The following GALNT9 variants were observed in gnomAD, a reference collection of about 807,000 sequenced individuals.
GALNT9 encodes the protein GalNAc transferase 9.
In GALNT9, 47 loss-of-function variants were observed where a neutral mutation model predicts 63.1. That is an observed-to-expected ratio of 0.75 (90% confidence interval 0.59 to 0.95). The LOEUF (loss-of-function observed/expected upper bound fraction) is 0.95, where lower values mean the gene tolerates loss of function less well. Ranked by LOEUF, GALNT9 falls within the 40% of genes least tolerant of loss-of-function variation. GALNT9 has a pLI of 0.00. For missense variants in GALNT9, 829 were observed against 874.8 expected (o/e 0.95, Z 0.66); for synonymous variants, 396 against 365.7 (o/e 1.08, Z -0.94).
At chr12:132,306,542 T>C (rs1566020478) in intron 1 of GALNT9, among the ~76,000 whole-genome samples, 1 of 152,166 alleles carries the variant, frequency 6.6e-6, no homozygotes, top group East Asian at 1.9e-4. Flanking sequence ...TCGGACATAG[T>C]GGCTTGGAGG....
At chr12:132,303,622 C>G (rs1406148072) in intron 1 of GALNT9, among the ~76,000 whole-genome samples, 1 of 68,540 alleles carries the variant, frequency 1.5e-5, no homozygotes, top group Non-Finnish European at 2.6e-5. Context: ...CACCCTCACC[C>G]GGGCACAGAA....
chr12:132,202,510 T>G (rs1438778613), intron 7 of GALNT9, among the ~76,000 whole-genome samples: 1 of 151,944 alleles, frequency 6.6e-6, no homozygotes, highest in East Asian at 1.9e-4. Context: ...GGTAAGCCAA[T>G]TTAGGGGCTG....
chr12:132,329,082 A>G lies in GALNT9; in HGVS notation c.122T>C (p.Val41Ala), dbSNP rs1307929599. ...QGRSQELVRI[V>A]SGDRRVRSRH... ...GCTGCGCACCCGGCGGTCGCCGCTC[A>G]CGATGCGCACGAGCTCCTGGGAGCG... is the stretch of plus-strand genomic sequence containing the variant. The change falls in exon 1 of 11, where the codon GTG becomes GCG. Residue 41 changes from valine (V) to alanine (A), a missense_variant. By Grantham distance (64) the Val-to-Ala change is moderately conservative. Transcript: ENST00000328957. 1.3e-6 allele frequency: 2 copies of G among 1,548,170 alleles called. No individual in the cohort carries two copies. Among genetic ancestry groups the G allele is most frequent in the East Asian group, 4.9e-5 (2 of 40,898 alleles).
At chr12:132,212,003 G>GT (rs1252341208) in intron 6 of GALNT9, among the ~76,000 whole-genome samples, 1 of 152,236 alleles carries the variant, frequency 6.6e-6, no homozygotes, top group Non-Finnish European at 1.5e-5. Context: ...TGATGCTTGC[G>GT]TCAGTGGACA....
intron 1 of GALNT9, among the ~76,000 whole-genome samples, chr12:132,304,286 C>G (rs1360446475): frequency 2.4e-5 from 2 of 83,862 alleles, no homozygotes; most frequent in African/African-American, 1.1e-4. Context: ...CCCGGGCACA[C>G]CCTCGCCCGG....
At position 132,284,783 on chromosome 12, in the gene GALNT9, C is replaced by T. The variant is rs115428140; in HGVS notation, c.419+1467G>A. On this transcript the variant is annotated intron_variant, in intron 2 of 10. Transcript: ENST00000328957. Reference sequence around the variant, plus strand: ...TCACACCTAGAATCAGTCCCCAGCACGCATTTGTGGGAAGGGTGTGAAGTG... The same window carrying T: ...TCACACCTAGAATCAGTCCCCAGCATGCATTTGTGGGAAGGGTGTGAAGTG... 3.5e-3 allele frequency among the ~76,000 whole-genome samples: 539 copies of T among 152,326 alleles called. 2 individuals carry two copies. The highest frequency in any genetic ancestry group is 0.012 in the African/African-American group (506 of 41,584).
rs74397849 is a variant in GALNT9, at chr12:132,279,394, G to A, written c.419+6856C>T. The A allele has an allele frequency of 0.012, 1,900 of 152,460 alleles. 35 individuals are homozygous for A. The highest frequency in any genetic ancestry group is 0.097 in the South Asian group (470 of 4,832). 9.4% of individuals were successfully genotyped at this position (152,460 alleles called of 1,614,324 possible). ...TGGCTGCAGCTGTCAGACTTGGAGC[G>A]TGAGGACAGAGCTGGGCCGGTTCCT... On this transcript the variant is annotated intron_variant, in intron 2 of 10. Coordinates refer to ENST00000328957, the MANE Select transcript of GALNT9 (RefSeq NM_001122636.2). The surrounding 1 kb of genome is among the most constrained non-coding windows in gnomAD (Gnocchi z 4.1).
intron 6 of GALNT9, among the ~76,000 whole-genome samples, chr12:132,243,521 C>T (rs1181224472): frequency 6.6e-6 from 1 of 150,428 alleles, no homozygotes; most frequent in Non-Finnish European, 1.5e-5. Flanking sequence ...TTCGTAGGGG[C>T]AGCTCTGGTG....
intron 2 of GALNT9, chr12:132,283,061 C>G (rs142858391): frequency 6.6e-6 from 1 of 152,308 alleles, no homozygotes; most frequent in Non-Finnish European, 1.5e-5. Flanking sequence ...CAGGGCTTCA[C>G]CCCCAGCTCG....
chr12:132,204,034 C>T (rs1401815020), intron 6 of GALNT9, among the ~76,000 whole-genome samples: 1 of 151,894 alleles, frequency 6.6e-6, no homozygotes, highest in Non-Finnish European at 1.5e-5. Context: ...TGCAGGGAAC[C>T]CCCCGCCCCA....
At chr12:132,306,199 G>A (rs1036852580) in intron 1 of GALNT9, among the ~76,000 whole-genome samples, 3 of 152,232 alleles carry the variant, frequency 2.0e-5, no homozygotes, top group Middle Eastern at 3.2e-3. Flanking sequence ...TGTCCGCACC[G>A]GAACCGCCTG....
rs74416794 is a variant in GALNT9 at position 132,310,488 on chromosome 12, G to T, written c.238+18478C>A. The stretch of plus-strand genomic sequence containing the variant: ...TGGAGGCTGAGAGCCCTCCGGGAAA[G>T]CAGGCATTTCTGCCGGCTTCCTCTG... On this transcript the variant is annotated intron_variant, in intron 1 of 10. Coordinates refer to ENST00000328957, the MANE Select transcript of GALNT9 (RefSeq NM_001122636.2). This position sits in a 1 kb window ranked among gnomAD's most constrained non-coding sequence, Gnocchi z 4.8. Among the ~76,000 whole-genome samples, 844 of 152,264 alleles carry T rather than the reference G, an allele frequency of 5.5e-3. 6 individuals carry two copies. Among genetic ancestry groups the T allele is most frequent in the African/African-American group, 0.019 (797 of 41,530 alleles).
At chr12:132,255,790 C>A (rs1879084714) in intron 5 of GALNT9, among the ~76,000 whole-genome samples, 1 of 152,246 alleles carries the variant, frequency 6.6e-6, no homozygotes, top group Admixed American at 6.5e-5. Context: ...CGCCTGCACG[C>A]TAAGCATGGA....
intron 1 of GALNT9, among the ~76,000 whole-genome samples, chr12:132,322,571 C>T (rs750261553): frequency 2.0e-5 from 3 of 152,324 alleles, no homozygotes; most frequent in South Asian, 4.1e-4. Flanking sequence ...GGAATGGGGG[C>T]GTCTGCCCAA....
At chr12:132,271,331 GGCTCCCACCCGTCACTCTGCCTCCGCC>G (rs1879858780) in intron 2 of GALNT9, among the ~76,000 whole-genome samples, 2 of 151,942 alleles carry the variant, frequency 1.3e-5, no homozygotes, top group African/African-American at 4.8e-5. Context: ...CGCCCCGCCC[GGCTCCCACCCGTCACTCTGCCTCCGCC>G]GCTCCCACCC....
rs1218438348 is a variant in GALNT9 at position 132,211,887 on chromosome 12, CCTGTGGG to C, written c.1078-8204_1078-8198del. The stretch of plus-strand genomic sequence containing the variant: ...CTGCACCCCTGCCCTGCAATCCACG[CCTGTGGG>C]CTGTGGCCCATGTGACGGTTTTACA... On this transcript the variant is annotated intron_variant, in intron 6 of 10. Transcript: ENST00000328957. Among the ~76,000 whole-genome samples the C allele has an allele frequency of 4.7e-4, 71 of 152,364 alleles. 1 individual carries two copies. The highest frequency in any genetic ancestry group is 1.6e-3 in the African/African-American group (68 of 41,580).
chr12:132,287,059 GCCCCC>G (rs57471643), intron 1 of GALNT9, among the ~76,000 whole-genome samples: 12 of 80,588 alleles, frequency 1.5e-4, no homozygotes, highest in African/African-American at 4.5e-4. Flanking sequence ...CTGAGTGAGC[GCCCCC>G]CCCCCCCCCC....
At chr12:132,295,258 C>G (rs1246409213) in intron 1 of GALNT9, among the ~76,000 whole-genome samples, 2 of 152,248 alleles carry the variant, frequency 1.3e-5, no homozygotes, top group African/African-American at 4.8e-5. Flanking sequence ...CCATGCCGGG[C>G]ACCATGCAGG....
chr12:132,295,915 AACAGGGACGGCCTCCG>A (rs1566016629), intron 1 of GALNT9, among the ~76,000 whole-genome samples: 1 of 73,614 alleles, frequency 1.4e-5, no homozygotes, highest in African/African-American at 7.4e-5. Context: ...AGAGCCTCCG[AACAGGGACGGCCTCCG>A]AACAGGGACG....
Sources: gnomAD v4.1 joint callset for allele counts (sites outside exome capture counted in the v4.1 genomes callset) on GRCh38, gnomAD v4.1.1 for gene constraint, Gnocchi (gnomAD v3.1) non-coding constraint, MANE v1.5 for transcripts, NCBI Gene and HGNC (gene_info 2026-07-23, HGNC 2026-07-21) for gene names.